The following ITGA8 variants were observed in gnomAD, a reference collection of about 807,000 sequenced individuals.
ITGA8 encodes integrin alpha-8.
ITGA8 carries 91 observed loss-of-function variants against 142.3 expected under a neutral mutation model. That is an observed-to-expected ratio of 0.64 (90% confidence interval 0.54 to 0.76). The LOEUF is 0.76. Among genes scored for constraint, ITGA8 ranks in the 30% least tolerant of loss-of-function variants. The pLI, the probability that ITGA8 is intolerant of heterozygous loss-of-function variation, is 0.00. For missense variants in ITGA8, 1,406 were observed against 1,327.7 expected, an observed-to-expected ratio of 1.06 and a Z score of -0.92; for synonymous variants, 505 against 485.2, an observed-to-expected ratio of 1.04 and a Z score of -0.54.
chr10:15,676,016 A>T (rs1048211547), intron 6 of ITGA8, among the ~76,000 whole-genome samples: 1 of 152,150 alleles, frequency 6.6e-6, no homozygotes, highest in Non-Finnish European at 1.5e-5. Context: ...TTTATGATAA[A>T]TTTTTTATTA....
intron 22 of ITGA8, among the ~76,000 whole-genome samples, chr10:15,591,157 C>G (rs1832915418): frequency 1.3e-5 from 2 of 152,056 alleles, no homozygotes; most frequent in African/African-American, 4.8e-5. Flanking sequence ...TAGAAATTAA[C>G]CATCTTGCAC....
At chr10:15,556,936 C>T (rs1265559280) in intron 26 of ITGA8, among the ~76,000 whole-genome samples, 2 of 152,196 alleles carry the variant, frequency 1.3e-5, no homozygotes, top group African/African-American at 4.8e-5. Flanking sequence ...CAGCTTCCTA[C>T]TTTTTATGGA....
chr10:15,624,977 C>T lies in ITGA8; in HGVS notation c.1400-8418G>A, dbSNP rs1454589083. The stretch of plus-strand genomic sequence containing the variant: ...TTTAGATAAGTCTCCTTGACTTTGG[C>T]AAACGTGTTAATCTAAAAATAGAAG... On this transcript the variant is annotated intron_variant, in intron 13 of 29. Transcript: ENST00000378076. Among the ~76,000 whole-genome samples the T allele has an allele frequency of 4.6e-5, 7 of 151,982 alleles. No homozygotes were observed. The East Asian group carries it at 1.4e-3, about 29-fold the overall frequency.
chr10:15,552,310 T>G (rs1344626574), intron 26 of ITGA8, among the ~76,000 whole-genome samples: 1 of 152,100 alleles, frequency 6.6e-6, no homozygotes, highest in East Asian at 1.9e-4. Context: ...CTTTTTCTTT[T>G]GTATTTTTAG....
chr10:15,608,947 G>A (rs1833246320), intron 15 of ITGA8, among the ~76,000 whole-genome samples: 1 of 151,874 alleles, frequency 6.6e-6, no homozygotes, highest in African/African-American at 2.4e-5. Flanking sequence ...AAGAGGGAGG[G>A]GAGAAAGAGA....
chr10:15,607,828 A>G lies in ITGA8; in HGVS notation c.1613T>C (p.Leu538Ser). The G allele has an allele frequency of 6.2e-7, 1 of 1,612,894 alleles. No individual in the cohort carries two copies. Among genetic ancestry groups the G allele is most frequent in the Non-Finnish European group, 8.5e-7 (1 of 1,179,110 alleles). Reference sequence around the variant, plus strand: ...GGAATCTAATTGCACCTCTGCCATCAAGACTAAAGGACAGAAGTAAAGTAG... The same window carrying G: ...GGAATCTAATTGCACCTCTGCCATCGAGACTAAAGGACAGAAGTAAAGTAG... ...TGQSIANTIV[L>S]MAEVQLDSLK... The change falls in exon 17 of 30, where the codon TTG (leucine) becomes TCG (serine). Residue 538 changes from leucine (L) to serine (S), a missense_variant. Leu to Ser is a moderately radical substitution (Grantham distance 145, BLOSUM62 -2). Transcript: ENST00000378076.
At chr10:15,573,055 T>A (rs1464352421) in intron 24 of ITGA8, among the ~76,000 whole-genome samples, 1 of 152,238 alleles carries the variant, frequency 6.6e-6, no homozygotes, top group African/African-American at 2.4e-5. Flanking sequence ...AAATTTAAAG[T>A]CAGCAGGGAT....
chr10:15,538,525 A>AAAAAAC (rs1442736334), intron 27 of ITGA8, among the ~76,000 whole-genome samples: 2 of 150,952 alleles, frequency 1.3e-5, no homozygotes, highest in Non-Finnish European at 2.9e-5. Context: ...AAAAAAAAAA[A>AAAAAAC]AAAAAACTAT....
chr10:15,600,079 A>C (rs1833077890), intron 20 of ITGA8, among the ~76,000 whole-genome samples: 1 of 152,250 alleles, frequency 6.6e-6, no homozygotes, highest in South Asian at 2.1e-4. Flanking sequence ...CAGCTTCTCT[A>C]TAAGGCTGTT....
At chr10:15,663,629 T>G (rs1334650864) in intron 8 of ITGA8, among the ~76,000 whole-genome samples, 1 of 151,968 alleles carries the variant, frequency 6.6e-6, no homozygotes, top group Non-Finnish European at 1.5e-5. Context: ...AGTGCAGTGG[T>G]GCAATGATGA....
intron 25 of ITGA8, 129 bp from the exon 26 acceptor site, chr10:15,558,331 G>A: frequency 9.7e-7 from 1 of 1,026,436 alleles, no homozygotes; most frequent in South Asian, 1.6e-5. Flanking sequence ...CCAGACCTGT[G>A]ATTACCAGCA....
chr10:15,522,500 T>C (rs1833089935), intron 28 of ITGA8, among the ~76,000 whole-genome samples: 1 of 152,210 alleles, frequency 6.6e-6, no homozygotes, highest in Non-Finnish European at 1.5e-5. Context: ...GATCATCTAC[T>C]CACAGGCCAG....
At chr10:15,631,795 C>A (rs1175269704) in intron 13 of ITGA8, among the ~76,000 whole-genome samples, 3 of 151,072 alleles carry the variant, frequency 2.0e-5, no homozygotes, top group Non-Finnish European at 4.4e-5. Flanking sequence ...CCCCACCCCC[C>A]CCAAAAAAAG....
At chr10:15,617,692 C>T (rs1833420098) in intron 13 of ITGA8, among the ~76,000 whole-genome samples, 1 of 152,322 alleles carries the variant, frequency 6.6e-6, no homozygotes, top group South Asian at 2.1e-4. Context: ...AGCCACTGCA[C>T]CTGGCGGGCT....
intron 2 of ITGA8, among the ~76,000 whole-genome samples, chr10:15,695,247 AT>A (rs1835029394): frequency 6.6e-6 from 1 of 152,152 alleles, no homozygotes; most frequent in African/African-American, 2.4e-5. Flanking sequence ...ACAGAGCAGA[AT>A]TGCACTGTCC....
At chr10:15,717,845 C>T (rs764174882) in intron 2 of ITGA8, among the ~76,000 whole-genome samples, 4 of 152,104 alleles carry the variant, frequency 2.6e-5, no homozygotes, top group Non-Finnish European at 5.9e-5. Context: ...GAAAATATTC[C>T]GCATAAATTC....
Position 15,688,011 on chromosome 10 carries a change from G to A in ITGA8, c.371C>T (p.Thr124Ile), listed in dbSNP as rs1285928211. Residue 124 changes from threonine (T) to isoleucine (I), a missense_variant, in exon 3 of 30, where the codon ACC becomes ATC. Physicochemically the swap from Thr to Ile is moderately conservative, Grantham distance 89. Coordinates refer to ENST00000378076, the MANE Select transcript of ITGA8 (RefSeq NM_003638.3). ...GGATTTGAACTCGATAGGTTCTTTG[G>A]TTCCATTAACTCTGATCTTTCTGTT... ...TNNRKIRVNG[T>I]KEPIEFKSNQ... is the part of the protein sequence containing the mutation. 8 of 1,612,584 alleles carry A rather than the reference G, an allele frequency of 5.0e-6. No homozygotes were observed. Among genetic ancestry groups the A allele is most frequent in the African/African-American group, 1.3e-5 (1 of 74,864 alleles).
In ITGA8 at chr10:15,659,041, G is replaced by A. The variant is rs1834238511; in HGVS notation, c.906C>T (p.Asn302=). 1.2e-6 allele frequency: 2 copies of A among 1,606,012 alleles called. No individual in the cohort carries two copies. The highest frequency in any genetic ancestry group is 1.7e-6 in the Non-Finnish European group (2 of 1,175,036). ...TCTGAATAAACGTCATATCCGTAGAGTTAATGATGGAAACCTGAAATCACA... is the reference window on the plus strand; with the variant it reads ...TCTGAATAAACGTCATATCCGTAGAATTAATGATGGAAACCTGAAATCACA... ...AQNFGYVSII[N]STDMTFIQNF... Residue 302 remains asparagine (N), a synonymous_variant, in exon 10 of 30, where the codon AAC becomes AAT. Coordinates refer to ENST00000378076, the MANE Select transcript of ITGA8 (RefSeq NM_003638.3).
At chr10:15,591,193 G>A (rs755111820) in intron 22 of ITGA8, among the ~76,000 whole-genome samples, 28 of 151,864 alleles carry the variant, frequency 1.8e-4, no homozygotes, top group Non-Finnish European at 4.0e-4. Context: ...TCAAATTGTG[G>A]ATACTGACTT....
Sources: allele counts gnomAD v4.1 joint callset (sites outside exome capture counted in the v4.1 genomes callset), GRCh38; gene constraint gnomAD v4.1.1; transcripts MANE v1.5; gene names NCBI Gene and HGNC (gene_info 2026-07-23, HGNC 2026-07-21).